The following FCRL5 variants were observed in gnomAD, a reference collection of about 807,000 sequenced individuals.
FCRL5 encodes Fc receptor like 5, also known as Fc receptor-like protein 5.
Under a neutral mutation model 92.1 loss-of-function variants are expected in FCRL5, and 79 were observed. That is an observed-to-expected ratio of 0.86 (90% CI 0.72 to 1.03). The LOEUF (loss-of-function observed/expected upper bound fraction) is 1.03, where lower values mean the gene tolerates loss of function less well. Ranked by LOEUF, FCRL5 falls within the 50% of genes least tolerant of loss-of-function variation. The pLI is 0.00. For synonymous variants in FCRL5, 466 were observed against 469.3 expected (o/e 0.99, Z 0.09); for missense variants, 1,160 against 1,181.1 (o/e 0.98, Z 0.26).
chr1:157,524,534 T>C lies in FCRL5; in HGVS notation c.1984A>G (p.Thr662Ala). ...VIVPVSRPILTFRAPRAQAVV... is the reference protein window; with the variant it reads ...VIVPVSRPILAFRAPRAQAVV... Reference sequence around the variant, plus strand: ...GCCTGGGCCCTGGGAGCCCTGAAGGTGAGGATGGGACGAGATACTGGAACT... The same window carrying C: ...GCCTGGGCCCTGGGAGCCCTGAAGGCGAGGATGGGACGAGATACTGGAACT... Residue 662 changes from threonine (T) to alanine (A), a missense_variant, in exon 10 of 17, where the codon ACC (threonine) becomes GCC (alanine). By Grantham distance (58) the Thr-to-Ala change is moderately conservative. Coordinates refer to ENST00000361835, the MANE Select transcript of FCRL5 (RefSeq NM_031281.3). The C allele has an allele frequency of 6.2e-7, 1 of 1,611,352 alleles. No individual in the cohort carries two copies. Among genetic ancestry groups the C allele is most frequent in the Non-Finnish European group, 8.5e-7 (1 of 1,178,316 alleles).
At chr1:157,520,972 G>C in intron 11 of FCRL5, 45 bp downstream of exon 11, 2 of 1,560,784 alleles carry the variant, frequency 1.3e-6, no homozygotes, top group Non-Finnish European at 1.7e-6. Context: ...GGTCCGCGGA[G>C]GAAACATTTT....
chr1:157,529,296 A>G (rs186671455), intron 8 of FCRL5, among the ~76,000 whole-genome samples: 1 of 152,344 alleles, frequency 6.6e-6, no homozygotes, highest in East Asian at 1.9e-4. Context: ...AACAAAAAAT[A>G]ATAGATGTTG....
chr1:157,533,973 G>T (rs560096412), intron 8 of FCRL5: 12 of 160,108 alleles, frequency 7.5e-5, no homozygotes, highest in African/African-American at 2.4e-4. Context: ...AAAGATTCAA[G>T]TAAAAACAGA....
chr1:157,538,588 C>T (rs554616434), intron 7 of FCRL5, among the ~76,000 whole-genome samples: 25 of 152,338 alleles, frequency 1.6e-4, no homozygotes, highest in African/African-American at 6.0e-4. Flanking sequence ...GCCCAATCAA[C>T]CCTAAAAAAG....
chr1:157,527,968 A>G lies in FCRL5; in HGVS notation c.1682-73T>C. The G allele has an allele frequency of 3.5e-6, 5 of 1,438,758 alleles. No individual in the cohort carries two copies. In the Admixed American group the frequency reaches 1.2e-4, roughly 33 times the overall value. 89.1% of individuals were successfully genotyped at this position (1,438,758 alleles called of 1,614,324 possible). ...ACAGCTCTTTGTCCTAGCCAGAACA[A>G]TCAGACAAGAGAAAGAAATAAAGGA... On this transcript the variant is annotated intron_variant, in intron 8 of 16. Coordinates refer to ENST00000361835, the MANE Select transcript of FCRL5 (RefSeq NM_031281.3).
At chr1:157,546,603 C>A (rs1337017558) in intron 3 of FCRL5, among the ~76,000 whole-genome samples, 1 of 152,188 alleles carries the variant, frequency 6.6e-6, no homozygotes, top group African/African-American at 2.4e-5. Flanking sequence ...GACCCCACTT[C>A]TACAGGTTTC....
intron 3 of FCRL5, chr1:157,546,363 G>T: frequency 5.4e-6 from 2 of 368,508 alleles, no homozygotes; most frequent in Non-Finnish European, 1.1e-5. Flanking sequence ...TGGGAGAATT[G>T]CTTGAACCCG....
At position 157,537,444 on chromosome 1, in the gene FCRL5, C is replaced by T. The variant is rs975042612; in HGVS notation, c.1402+1642G>A. Among the ~76,000 whole-genome samples the T allele has an allele frequency of 5.9e-5, 9 of 152,274 alleles. No individual in the cohort carries two copies. The East Asian group carries it at 7.7e-4, about 13-fold the overall frequency. On this transcript the variant is annotated intron_variant, in intron 7 of 16. Coordinates refer to ENST00000361835, the MANE Select transcript of FCRL5 (RefSeq NM_031281.3). ...TCAGACTGGTTGTCTGCTCTCAAAA[C>T]CCTGTCTCCTGATAAGATGTTATCA...
intron 12 of FCRL5, 62 bp downstream of exon 12, chr1:157,520,369 C>T: frequency 8.3e-7 from 1 of 1,202,546 alleles, no homozygotes; most frequent in Non-Finnish European, 1.2e-6. Context: ...CAGCATGAAG[C>T]CCAAGGGAGC....
In FCRL5 at chr1:157,539,296, T is replaced by C. The variant is rs1651134535; in HGVS notation, c.1192A>G (p.Thr398Ala). 1 of 1,613,986 alleles carries C rather than the reference T, an allele frequency of 6.2e-7. No homozygotes were observed. The highest frequency in any genetic ancestry group is 1.3e-5 in the African/African-American group (1 of 74,918). ...CCTCTCTGGGCTTCACAGTGAAGTG[T>C]CACCTTGGCTCCCTCAAAAATCAGG... Reference protein sequence around the residue: ...EDLIFEGAKVTLHCEAQRGSL... With the variant: ...EDLIFEGAKVALHCEAQRGSL... The change falls in exon 7 of 17, where the codon ACA (threonine) becomes GCA (alanine). Residue 398 changes from threonine to alanine, a missense_variant. Transcript: ENST00000361835.
chr1:157,540,915 T>C (rs1301332614), intron 6 of FCRL5, among the ~76,000 whole-genome samples: 1 of 152,174 alleles, frequency 6.6e-6, no homozygotes, highest in Admixed American at 6.5e-5. Flanking sequence ...TTGAGGTGGG[T>C]ATTATTGTTG....
intron 8 of FCRL5, chr1:157,532,795 G>C (rs1469379776): frequency 1.3e-5 from 2 of 152,164 alleles, no homozygotes; most frequent in African/African-American, 4.8e-5. Flanking sequence ...GGTCTTTGAC[G>C]AGTCTAATAT....
chr1:157,516,940 AT>A (rs1368864169), intron 15 of FCRL5, among the ~76,000 whole-genome samples: 1 of 152,244 alleles, frequency 6.6e-6, no homozygotes, highest in African/African-American at 2.4e-5. Flanking sequence ...GTAAGAGTGA[AT>A]GAGTTCACAT....
chr1:157,547,016 C>G lies in FCRL5; in HGVS notation c.234G>C (p.Gln78His). Residue 78 changes from glutamine to histidine, a missense_variant, in exon 3 of 17, where the codon CAG (glutamine) becomes CAC (histidine). Physicochemically the swap from Gln to His is conservative, Grantham distance 24. Coordinates refer to ENST00000361835, the MANE Select transcript of FCRL5 (RefSeq NM_031281.3). ...RETPDNILEV[Q>H]ESGEYRCQAQ... ...CCTGGCATCTGTACTCTCCAGATTC[C>G]TGAACCTCAAGGATATTGTCTGGGG... The G allele has an allele frequency of 6.2e-7, 1 of 1,614,162 alleles. No individual in the cohort carries two copies. The highest frequency in any genetic ancestry group is 8.5e-7 in the Non-Finnish European group (1 of 1,180,014).
intron 10 of FCRL5, 101 bp from the exon 11 acceptor site, chr1:157,521,393 G>A: frequency 7.4e-7 from 1 of 1,350,604 alleles, no homozygotes; most frequent in Non-Finnish European, 9.9e-7. Flanking sequence ...TCTCAATCTT[G>A]GAAAGTAGAT....
intron 10 of FCRL5, among the ~76,000 whole-genome samples, chr1:157,523,285 ACAACC>A (rs1650280076): frequency 1.3e-5 from 2 of 152,240 alleles, no homozygotes; most frequent in Non-Finnish European, 2.9e-5. Context: ...AGGGGCAGGT[ACAACC>A]TGCTTTTACT....
chr1:157,543,272 C>A, intron 5 of FCRL5, 135 bp from the exon 6 acceptor site: 1 of 791,930 alleles, frequency 1.3e-6, no homozygotes, highest in South Asian at 1.9e-5. Flanking sequence ...CCCTTACCTG[C>A]ACCTGCTTCT....
intron 8 of FCRL5, among the ~76,000 whole-genome samples, chr1:157,531,343 G>A (rs1650688073): frequency 6.6e-6 from 1 of 152,204 alleles, no homozygotes; most frequent in African/African-American, 2.4e-5. Flanking sequence ...AAGTTGTGGA[G>A]AGGAAGGAAC....
intron 8 of FCRL5, among the ~76,000 whole-genome samples, chr1:157,531,028 A>G (rs1650673700): frequency 6.6e-6 from 1 of 152,292 alleles, no homozygotes; most frequent in Middle Eastern, 3.4e-3. Flanking sequence ...AACAATTAAC[A>G]GAGTAAAAAG....
Sources: allele counts gnomAD v4.1 joint callset (sites outside exome capture counted in the v4.1 genomes callset), GRCh38; gene constraint gnomAD v4.1.1; transcripts MANE v1.5; gene names NCBI Gene and HGNC (gene_info 2026-07-23, HGNC 2026-07-21).